HEATR5A: variants seen among roughly 807,000 people sequenced by gnomAD.
The protein encoded by HEATR5A is HEAT repeat containing 5A.
Under a neutral mutation model 218.8 loss-of-function variants are expected in HEATR5A, and 178 were observed. The observed-to-expected ratio is 0.81, with a 90% CI of 0.72 to 0.92. The LOEUF (loss-of-function observed/expected upper bound fraction) is 0.92, where lower values mean the gene tolerates loss of function less well. Ranked by LOEUF, HEATR5A falls within the 40% of genes least tolerant of loss-of-function variation. The pLI, the probability that HEATR5A is intolerant of heterozygous loss-of-function variation, is 0.00. For synonymous variants in HEATR5A, 864 were observed against 871.6 expected, an observed-to-expected ratio of 0.99 and a Z score of 0.15; for missense variants, 2,420 against 2,418.9, an observed-to-expected ratio of 1.00 and a Z score of -0.01.
intron 11 of HEATR5A, among the ~76,000 whole-genome samples, chr14:31,376,625 T>G (rs1902238200): frequency 6.6e-6 from 1 of 152,210 alleles, no homozygotes; most frequent in Admixed American, 6.5e-5. Context: ...CCAAGTTTTT[T>G]CATATGGCAT....
At chr14:31,327,976 CAG>C (rs1900325161) in intron 22 of HEATR5A, among the ~76,000 whole-genome samples, 2 of 152,100 alleles carry the variant, frequency 1.3e-5, no homozygotes, top group African/African-American at 4.8e-5. Context: ...GTTTTGGAGA[CAG>C]AGTCTCGCTC....
chr14:31,333,349 A>C (rs1219808742), intron 22 of HEATR5A, among the ~76,000 whole-genome samples: 2 of 151,880 alleles, frequency 1.3e-5, no homozygotes, highest in East Asian at 3.9e-4. Flanking sequence ...CCCGGGTTCA[A>C]GCTATTCTCG....
chr14:31,350,532 A>G (rs956652484), intron 17 of HEATR5A, 80 bp downstream of exon 17: 5 of 745,536 alleles, frequency 6.7e-6, no homozygotes, highest in African/African-American at 1.8e-5. Context: ...TTTTAAAAAC[A>G]TCATCCTCCG....
chr14:31,390,996 A>G (rs2030431021), intron 6 of HEATR5A, among the ~76,000 whole-genome samples: 1 of 152,192 alleles, frequency 6.6e-6, no homozygotes, highest in African/African-American at 2.4e-5. Flanking sequence ...CTAAGGTGAA[A>G]GACAGTGAGA....
chr14:31,406,581 A>C (rs1256468347), intron 1 of HEATR5A, among the ~76,000 whole-genome samples: 2 of 152,190 alleles, frequency 1.3e-5, no homozygotes, highest in Non-Finnish European at 2.9e-5. Flanking sequence ...GTGTGCACTT[A>C]AGCAATCTGA....
Position 31,302,344 on chromosome 14 carries a change from A to C in HEATR5A, c.5415T>G (p.Thr1805=). ...ARAEKSRTAW[T]DLLRSALTTI... ...TTGTTAAGGCACTTCGGAGAAGGTC[A>C]GTCCAAGCAGTACGGCTCTTTTCTG... Residue 1805 remains threonine (T), a synonymous_variant, in exon 33 of 36, where the codon ACT becomes ACG. Transcript: ENST00000543095. 6.2e-7 allele frequency: 1 copy of C among 1,604,626 alleles called. No homozygotes were observed. The highest frequency in any genetic ancestry group is 1.7e-5 in the Admixed American group (1 of 58,542).
intron 12 of HEATR5A, 32 bp downstream of exon 12, chr14:31,374,784 G>C (rs1205612443): frequency 3.8e-6 from 6 of 1,579,990 alleles, no homozygotes; most frequent in East Asian, 4.5e-5. Context: ...AAAGCCAAAG[G>C]AAAGGGAGAG....
intron 6 of HEATR5A, among the ~76,000 whole-genome samples, chr14:31,389,472 T>C (rs1356133049): frequency 6.6e-6 from 1 of 152,238 alleles, no homozygotes; most frequent in African/African-American, 2.4e-5. Context: ...AAATTCTCTA[T>C]TGGCAATAAA....
At position 31,383,526 on chromosome 14, in the gene HEATR5A, CT is replaced by C. The variant is rs769326584; in HGVS notation, c.1590del (p.Gly531AlafsTer5). ...KHCPLGIPHGKGKIIMTLAED... is the reference protein window; with the variant it reads ...KHCPLGIPHGXGKIIMTLAED... ...ATAGAGAATGAAATCATTACCTTGC[CT>C]TTTCCATGAGGAATTCCTAAAGGAC... is the stretch of plus-strand genomic sequence containing the variant. On this transcript the variant is annotated frameshift_variant, in exon 10 of 36. Transcript: ENST00000543095. LOFTEE classifies it high-confidence loss of function. The C allele has an allele frequency of 1.2e-6, 2 of 1,610,726 alleles. No individual in the cohort carries two copies. Among genetic ancestry groups the C allele is most frequent in the South Asian group, 2.2e-5 (2 of 90,920 alleles).
chr14:31,413,552 T>C (rs1174602845), intron 1 of HEATR5A, among the ~76,000 whole-genome samples: 1 of 151,894 alleles, frequency 6.6e-6, no homozygotes, highest in Admixed American at 6.6e-5. Context: ...CCCGGAAGCG[T>C]AAAAGAAAGT....
At position 31,395,638 on chromosome 14, in the gene HEATR5A, T is replaced by C. The variant is rs1001718465; in HGVS notation, c.448-290A>G. ...AGCTTACATGCCATTAAGCATTCAA[T>C]AAATAGTTGCTATAGTCTAAGCTAA... On this transcript the variant is annotated intron_variant, in intron 4 of 35. Transcript: ENST00000543095. 5.9e-5 allele frequency among the ~76,000 whole-genome samples: 9 copies of C among 152,334 alleles called. No individual in the cohort carries two copies. In the South Asian group the frequency reaches 1.7e-3, roughly 28 times the overall value.
rs779999971 is a variant in HEATR5A at position 31,323,796 on chromosome 14, C to A, written c.3556G>T (p.Ala1186Ser). 1 of 1,581,234 alleles carries A rather than the reference C, an allele frequency of 6.3e-7. No homozygotes were observed. Among genetic ancestry groups the A allele is most frequent in the Admixed American group, 1.7e-5 (1 of 59,464 alleles). The stretch of plus-strand genomic sequence containing the variant: ...TGCATTGTATCCACACAAGTTACAG[C>A]TGTAAAATCTTTTATTAAAGGAGAA... ...DVLAASADFT[A>S]VTCVDTMQEE... The change falls in exon 24 of 36, where the codon GCT (alanine) becomes TCT (serine). Residue 1186 changes from alanine to serine, a missense_variant. Ala to Ser is a moderately conservative substitution (Grantham distance 99). Coordinates refer to ENST00000543095, the MANE Select transcript of HEATR5A (RefSeq NM_015473.4).
intron 33 of HEATR5A, chr14:31,296,938 C>G (rs1357112312): frequency 1.3e-5 from 2 of 152,112 alleles, no homozygotes; most frequent in African/African-American, 4.8e-5. Flanking sequence ...AGAGAAGATA[C>G]ACTATAAGCT....
At chr14:31,336,962 C>T (rs1900691942) in intron 22 of HEATR5A, among the ~76,000 whole-genome samples, 1 of 152,218 alleles carries the variant, frequency 6.6e-6, no homozygotes, top group South Asian at 2.1e-4. Flanking sequence ...TCATAGGCTA[C>T]AAACCCATAG....
At chr14:31,320,745 A>G in intron 25 of HEATR5A, 1 of 346,216 alleles carries the variant, frequency 2.9e-6, no homozygotes, top group African/African-American at 2.2e-5. Flanking sequence ...GTTTTCTTTA[A>G]CAGGGCCATT....
intron 14 of HEATR5A, 113 bp downstream of exon 14, chr14:31,364,076 C>T (rs1389098813): frequency 5.5e-6 from 3 of 543,016 alleles, no homozygotes; most frequent in South Asian, 3.3e-5. Context: ...AGAAACAAGG[C>T]ACTAAATAAC....
chr14:31,343,281 C>T (rs146440859), intron 21 of HEATR5A, among the ~76,000 whole-genome samples: 3,243 of 152,080 alleles, frequency 0.021, 110 homozygotes, highest in African/African-American at 0.074. Context: ...TTAGTAGAGA[C>T]GGGGTTTCAC....
At chr14:31,304,652 G>T (rs576133751) in intron 32 of HEATR5A, among the ~76,000 whole-genome samples, 2 of 152,074 alleles carry the variant, frequency 1.3e-5, no homozygotes, top group African/African-American at 4.8e-5. Flanking sequence ...CCTGACCTCA[G>T]GTGATCCACC....
rs1901523845 is a variant in HEATR5A, at chr14:31,359,068, A to G, written c.2072-11T>C. 3 of 1,592,574 alleles carry G rather than the reference A, an allele frequency of 1.9e-6. No individual in the cohort carries two copies. In the Admixed American group the frequency reaches 5.7e-5, roughly 30 times the overall value. On this transcript the variant is annotated splice_polypyrimidine_tract_variant and intron_variant, in intron 14 of 35. Coordinates refer to ENST00000543095, the MANE Select transcript of HEATR5A (RefSeq NM_015473.4). ...TAGCACAGAGGTTTCCTGTTGAGTCACAGAAAAAGAGCAATTAGTACTATT... is the reference window on the plus strand; with the variant it reads ...TAGCACAGAGGTTTCCTGTTGAGTCGCAGAAAAAGAGCAATTAGTACTATT...
Sources: allele counts gnomAD v4.1 joint callset (sites outside exome capture counted in the v4.1 genomes callset), GRCh38; gene constraint gnomAD v4.1.1; transcripts MANE v1.5; gene names NCBI Gene and HGNC (gene_info 2026-07-23, HGNC 2026-07-21).